TRIM9: variants seen among roughly 807,000 people sequenced by gnomAD.
TRIM9 encodes the protein E3 ubiquitin-protein ligase TRIM9.
Under a neutral mutation model 78.3 loss-of-function variants are expected in TRIM9, and 26 were observed. That is an observed-to-expected ratio of 0.33 (90% CI 0.24 to 0.46). The LOEUF (loss-of-function observed/expected upper bound fraction) is 0.46. TRIM9 is among the 20% of genes least tolerant of loss of function. The pLI is 1.00. For missense variants in TRIM9, 787 were observed against 1,036.4 expected, an observed-to-expected ratio of 0.76 and a Z score of 3.30; for synonymous variants, 398 against 416.5, an observed-to-expected ratio of 0.96 and a Z score of 0.54.
At chr14:51,060,012 G>A (rs2061216058) in intron 1 of TRIM9, among the ~76,000 whole-genome samples, 1 of 152,118 alleles carries the variant, frequency 6.6e-6, no homozygotes, top group Non-Finnish European at 1.5e-5. Context: ...CTAATTTCAA[G>A]GTTTCTGTAG....
chr14:51,065,546 C>G (rs770284996), intron 1 of TRIM9, among the ~76,000 whole-genome samples: 1 of 152,172 alleles, frequency 6.6e-6, no homozygotes. Flanking sequence ...AAATCCTGAG[C>G]TAAGTGGAAG....
At chr14:50,979,617 T>C (rs1209204483) in intron 11 of TRIM9, 68 bp from the exon 12 acceptor site, 13 of 1,357,622 alleles carry the variant, frequency 9.6e-6, no homozygotes, top group Admixed American at 1.9e-5. Flanking sequence ...CCCTTTTGTG[T>C]GGTGAAACCA....
chr14:51,030,719 T>C (rs2058652376), intron 1 of TRIM9, among the ~76,000 whole-genome samples: 1 of 152,042 alleles, frequency 6.6e-6, no homozygotes, highest in South Asian at 2.1e-4. Flanking sequence ...GTATGTGAGA[T>C]ATGTCATCAG....
At chr14:51,064,043 CA>C (rs1236368152) in intron 1 of TRIM9, among the ~76,000 whole-genome samples, 1 of 151,874 alleles carries the variant, frequency 6.6e-6, no homozygotes, top group Non-Finnish European at 1.5e-5. Context: ...ATGGAACTTA[CA>C]ACATATGAAG....
At chr14:51,002,707 T>C (rs1239926903) in intron 5 of TRIM9, among the ~76,000 whole-genome samples, 2 of 152,192 alleles carry the variant, frequency 1.3e-5, no homozygotes, top group Non-Finnish European at 2.9e-5. Flanking sequence ...ACAGGTTCTA[T>C]GGCAGATAAC....
chr14:51,089,098 G>T (rs949126464), intron 1 of TRIM9: 3 of 152,072 alleles, frequency 2.0e-5, no homozygotes, highest in African/African-American at 7.2e-5. Flanking sequence ...AGTCCAACCT[G>T]ACTGATGCTG....
At chr14:51,075,290 C>T (rs1042110008) in intron 1 of TRIM9, among the ~76,000 whole-genome samples, 1 of 152,014 alleles carries the variant, frequency 6.6e-6, no homozygotes, top group African/African-American at 2.4e-5. Context: ...GCCTACTCCA[C>T]GTTAATGTTC....
At chr14:50,990,414 G>A (rs2053348529) in intron 7 of TRIM9, among the ~76,000 whole-genome samples, 1 of 152,110 alleles carries the variant, frequency 6.6e-6, no homozygotes, top group South Asian at 2.1e-4. Context: ...ACATAAAGTT[G>A]GCAGGAGACT....
At chr14:51,024,127 C>T (rs1168369883) in intron 2 of TRIM9, among the ~76,000 whole-genome samples, 1 of 152,128 alleles carries the variant, frequency 6.6e-6, no homozygotes, top group African/African-American at 2.4e-5. Flanking sequence ...ATGCCACATG[C>T]AGGGTAATAT....
intron 4 of TRIM9, 115 bp downstream of exon 4, chr14:51,010,269 T>C (rs1156754144): frequency 9.8e-6 from 7 of 717,752 alleles, no homozygotes; most frequent in Non-Finnish European, 1.7e-5. Flanking sequence ...GTGAGGTAGG[T>C]TCTGTTATTG....
intron 1 of TRIM9, among the ~76,000 whole-genome samples, chr14:51,071,800 G>A (rs1285442740): frequency 6.6e-6 from 1 of 152,142 alleles, no homozygotes; most frequent in African/African-American, 2.4e-5. Flanking sequence ...AGTGAGCCCT[G>A]TCTCAAAAAA....
chr14:51,082,315 A>G (rs924713057), intron 1 of TRIM9, among the ~76,000 whole-genome samples: 4 of 152,268 alleles, frequency 2.6e-5, no homozygotes, highest in Non-Finnish European at 4.4e-5. Context: ...TGTTCATAAC[A>G]GCATTATTAG....
intron 1 of TRIM9, among the ~76,000 whole-genome samples, chr14:51,031,054 A>G (rs994984968): frequency 2.0e-5 from 3 of 147,978 alleles, no homozygotes; most frequent in Non-Finnish European, 3.0e-5. Flanking sequence ...AGGCTTAGGC[A>G]GGAAAATCGC....
chr14:50,991,536 A>T (rs2053510488), intron 7 of TRIM9, among the ~76,000 whole-genome samples: 3 of 152,184 alleles, frequency 2.0e-5, no homozygotes, highest in Admixed American at 2.0e-4. Flanking sequence ...GCAGAGACAG[A>T]AAAACCATCT....
intron 7 of TRIM9, chr14:50,996,900 G>C (rs2054279087): frequency 1.0e-6 from 1 of 985,298 alleles, no homozygotes; most frequent in South Asian, 4.7e-5. Flanking sequence ...TCACGGCTAG[G>C]GGCCTTTCAT....
intron 1 of TRIM9, among the ~76,000 whole-genome samples, chr14:51,047,460 C>T (rs904536694): frequency 3.3e-5 from 5 of 152,244 alleles, no homozygotes; most frequent in Non-Finnish European, 4.4e-5. Flanking sequence ...GAAAACCATT[C>T]GGTGCAATGA....
At position 51,071,052 on chromosome 14, in the gene TRIM9, A is replaced by C. The variant is rs71422014; in HGVS notation, c.822+23066T>G. Among the ~76,000 whole-genome samples the C allele has an allele frequency of 6.8e-3, 1,037 of 152,222 alleles. 7 individuals are homozygous for C. Among genetic ancestry groups the C allele is most frequent in the Middle Eastern group, 0.024 (7 of 294 alleles). On this transcript the variant is annotated intron_variant, in intron 1 of 12. Transcript: ENST00000684578. Reference sequence around the variant, plus strand: ...TACATTTCGGGGTTTTGGTGGACTGATGGGGACGACAAAATAAGAATCCTG... The same window carrying C: ...TACATTTCGGGGTTTTGGTGGACTGCTGGGGACGACAAAATAAGAATCCTG...
chr14:51,036,271 A>G (rs1361135777), intron 1 of TRIM9, among the ~76,000 whole-genome samples: 1 of 152,204 alleles, frequency 6.6e-6, no homozygotes, highest in Admixed American at 6.5e-5. Flanking sequence ...CACCATAGAA[A>G]TTGGCAAACA....
intron 1 of TRIM9, among the ~76,000 whole-genome samples, chr14:51,047,879 T>A (rs2060073728): frequency 6.6e-6 from 1 of 152,006 alleles, no homozygotes; most frequent in Non-Finnish European, 1.5e-5. Context: ...ATACAGTTTA[T>A]CTTTTTAGAA....
Sources: gnomAD v4.1 joint callset for allele counts (sites outside exome capture counted in the v4.1 genomes callset) on GRCh38, gnomAD v4.1.1 for gene constraint, MANE v1.5 for transcripts, NCBI Gene and HGNC (gene_info 2026-07-23, HGNC 2026-07-21) for gene names.